Variants in FAM161B observed in about 807,000 individuals in gnomAD.
FAM161B encodes the protein protein FAM161B.
Under a neutral mutation model 61.5 loss-of-function variants are expected in FAM161B, and 46 were observed. The observed-to-expected ratio is 0.75, with a 90% CI of 0.59 to 0.96. The LOEUF is 0.96. FAM161B is among the 40% of genes least tolerant of loss of function. FAM161B has a pLI of 0.00. For synonymous variants in FAM161B, 284 were observed against 302.7 expected (o/e 0.94, Z 0.64); for missense variants, 774 against 800.7 (o/e 0.97, Z 0.40).
chr14:73,934,333 C>A lies in FAM161B; in HGVS notation c.1867G>T (p.Glu623Ter). 1 of 1,614,088 alleles carries A rather than the reference C, an allele frequency of 6.2e-7. No individual in the cohort carries two copies. Among genetic ancestry groups the A allele is most frequent in the South Asian group, 1.1e-5 (1 of 91,078 alleles). ...DPEQGLEGSL[E>*]QPASPRKVLE... ...ACTTTCCTGGGGCTTGCAGGCTGTTCTAGAGATCCTTCTAAACCCTGCTCT... is the reference window on the plus strand; with the variant it reads ...ACTTTCCTGGGGCTTGCAGGCTGTTATAGAGATCCTTCTAAACCCTGCTCT... The change falls in exon 9 of 9, where the codon GAA becomes TAA. Residue 623 changes from glutamate (E) to a stop codon, truncating the protein, a stop_gained. Transcript: ENST00000286544. LOFTEE classifies it low-confidence loss of function (END_TRUNC).
intron 5 of FAM161B, among the ~76,000 whole-genome samples, chr14:73,938,975 TTTACTGAAC>T (rs1445220243): frequency 6.6e-6 from 1 of 152,024 alleles, no homozygotes; most frequent in Admixed American, 6.5e-5. Context: ...TAGAAGTGCA[TTTACTGAAC>T]TGGAGAAACG....
the FAM161B span, among the ~76,000 whole-genome samples, chr14:73,925,433 CT>C: frequency 0.083 from 11,932 of 144,184 alleles, 875 homozygotes; most frequent in East Asian, 0.44. Context: ...CTAACTTTGA[CT>C]TTTTTTTTTT....
At chr14:73,938,445 CA>C (rs1376388777) in intron 5 of FAM161B, among the ~76,000 whole-genome samples, 2 of 140,292 alleles carry the variant, frequency 1.4e-5, no homozygotes, top group Non-Finnish European at 3.1e-5. Context: ...GGCGACAGAT[CA>C]AATTCCGTCT....
intron 5 of FAM161B, 145 bp downstream of exon 5, chr14:73,940,781 C>T (rs1038652665): frequency 2.3e-5 from 26 of 1,144,386 alleles, no homozygotes; most frequent in South Asian, 1.0e-4. Flanking sequence ...TGTGGAGAAC[C>T]GCAATTGTTC....
rs144921772 is a variant in FAM161B at position 73,941,985 on chromosome 14, C to T, written c.1272+384G>A. 7.2e-3 allele frequency among the ~76,000 whole-genome samples: 1,101 copies of T among 152,310 alleles called. 6 individuals carry two copies. The highest frequency in any genetic ancestry group is 0.025 in the African/African-American group (1,056 of 41,570). ...CCTCTCAAAGTGCTGGGATTAAAGG[C>T]GTGAGCCACCACGCCTGGCCTGTTT... is the stretch of plus-strand genomic sequence containing the variant. On this transcript the variant is annotated intron_variant, in intron 4 of 8. Transcript: ENST00000286544.
chr14:73,938,817 A>T (rs1054202937), intron 5 of FAM161B, among the ~76,000 whole-genome samples: 74 of 152,278 alleles, frequency 4.9e-4, no homozygotes, highest in Non-Finnish European at 1.5e-4. Flanking sequence ...AATCTTAGTA[A>T]CCTTTTCTGG....
At chr14:73,938,943 G>A (rs1214381131) in intron 5 of FAM161B, among the ~76,000 whole-genome samples, 1 of 152,098 alleles carries the variant, frequency 6.6e-6, no homozygotes, top group African/African-American at 2.4e-5. Context: ...TCCAGCACTA[G>A]GGACACAGTG....
At chr14:73,948,380 T>C (rs1411905229) in intron 1 of FAM161B, among the ~76,000 whole-genome samples, 1 of 152,252 alleles carries the variant, frequency 6.6e-6, no homozygotes, top group Non-Finnish European at 1.5e-5. Flanking sequence ...GTTGGCATTA[T>C]CTATGCCTAT....
downstream of FAM161B, among the ~76,000 whole-genome samples, chr14:73,930,147 C>T (rs2055890164): frequency 2.6e-5 from 4 of 152,190 alleles, no homozygotes; most frequent in Admixed American, 2.0e-4. Flanking sequence ...TATAATATTT[C>T]TCATAAAGTA....
chr14:73,944,871 C>T lies in FAM161B; in HGVS notation c.389G>A (p.Arg130Lys). ...AAGGTTGTTCAGGGAGCTGCAGCGC[C>T]TTGTGGAGCCACACCTGGGAAAAAA... The part of the protein sequence containing the change: ...CPQALRCGST[R>K]RCSSLNNLPS... Residue 130 changes from arginine (R) to lysine (K), a missense_variant, in exon 3 of 9, where the codon AGG (arginine) becomes AAG (lysine). Arg to Lys is a conservative substitution (Grantham distance 26, BLOSUM62 2). Transcript: ENST00000286544. 6.6e-7 allele frequency: 1 copy of T among 1,515,612 alleles called. No individual in the cohort carries two copies. The highest frequency in any genetic ancestry group is 8.8e-7 in the Non-Finnish European group (1 of 1,133,272). 93.9% of individuals were successfully genotyped at this position (1,515,612 alleles called of 1,614,324 possible). A position where few individuals can be genotyped will look rare whatever the true frequency, so the allele number is the denominator to read the frequency against.
Position 73,946,533 on chromosome 14 carries a change from T to G in FAM161B, c.127A>C (p.Arg43=). 1 of 1,614,204 alleles carries G rather than the reference T, an allele frequency of 6.2e-7. No homozygotes were observed. Among genetic ancestry groups the G allele is most frequent in the Non-Finnish European group, 8.5e-7 (1 of 1,180,034 alleles). ...ELSGDGLVLP[R]ASKLDEFLSP... is the part of the protein sequence containing the mutation. ...AGGAACTCGTCAAGTTTGCTGGCCC[T>G]GGGCAAAACCAGCCCATCCCCGGAC... Residue 43 remains arginine (R), a synonymous_variant, in exon 2 of 9, where the codon AGG becomes CGG. Transcript: ENST00000286544.
chr14:73,935,896 A>T, intron 8 of FAM161B, 53 bp downstream of exon 8: 1 of 1,553,556 alleles, frequency 6.4e-7, no homozygotes, highest in Non-Finnish European at 8.7e-7. Flanking sequence ...CAGTGGTATT[A>T]CTGGGTATGA....
downstream of FAM161B, chr14:73,932,030 C>T (rs1451535640): frequency 8.8e-6 from 4 of 456,398 alleles, no homozygotes; most frequent in Non-Finnish European, 1.3e-5. Context: ...TACATTCTCC[C>T]TTTAGCAACC....
chr14:73,942,351 AGCTGCCTG>A lies in FAM161B; in HGVS notation c.1272+10_1272+17del. On this transcript the variant is annotated intron_variant, in intron 4 of 8. Coordinates refer to ENST00000286544, the MANE Select transcript of FAM161B (RefSeq NM_152445.3). Reference sequence around the variant, plus strand: ...CAGGCCGCAGCCCTGACCCTCCCACAGCTGCCTGGGCTCTCACCTGCCTCCTTCCGGTG... The same window carrying A: ...CAGGCCGCAGCCCTGACCCTCCCACAGGCTCTCACCTGCCTCCTTCCGGTG... 6.2e-7 allele frequency: 1 copy of A among 1,610,072 alleles called. No individual in the cohort carries two copies. Among genetic ancestry groups the A allele is most frequent in the South Asian group, 1.1e-5 (1 of 90,760 alleles).
At chr14:73,948,087 C>A (rs910759598) in intron 1 of FAM161B, among the ~76,000 whole-genome samples, 1 of 152,034 alleles carries the variant, frequency 6.6e-6, no homozygotes, top group African/African-American at 2.4e-5. Context: ...TCACACCTGG[C>A]TAGTTTTTGT....
chr14:73,937,346 G>A (rs891597513), intron 7 of FAM161B, among the ~76,000 whole-genome samples: 1 of 152,164 alleles, frequency 6.6e-6, no homozygotes, highest in African/African-American at 2.4e-5. Flanking sequence ...GATGAAATCT[G>A]AATGGTAGAC....
Position 73,944,622 on chromosome 14 carries a change from T to C in FAM161B, c.638A>G (p.His213Arg), listed in dbSNP as rs1440820189. 1.9e-6 allele frequency: 3 copies of C among 1,613,984 alleles called. No individual in the cohort carries two copies. Among genetic ancestry groups the C allele is most frequent in the South Asian group, 2.2e-5 (2 of 91,080 alleles). Residue 213 changes from histidine to arginine, a missense_variant, in exon 3 of 9, where the codon CAC becomes CGC. Physicochemically the swap from His to Arg is conservative, Grantham distance 29. Coordinates refer to ENST00000286544, the MANE Select transcript of FAM161B (RefSeq NM_152445.3). ...CACAGGCTGTGCCCGGAACTGCCTGTGGCACTCGGCCTCTTCCTCACCCTG... is the reference window on the plus strand; with the variant it reads ...CACAGGCTGTGCCCGGAACTGCCTGCGGCACTCGGCCTCTTCCTCACCCTG... The part of the protein sequence containing the change: ...QRQGEEEAEC[H>R]RQFRAQPVPA...
rs1201510304 is a variant in FAM161B, at chr14:73,944,885, C to A, written c.375G>T (p.Arg125Ser). ...MVQVQCPQALRCGSTRRCSSL... is the reference protein window; with the variant it reads ...MVQVQCPQALSCGSTRRCSSL... The stretch of plus-strand genomic sequence containing the variant: ...AGCTGCAGCGCCTTGTGGAGCCACA[C>A]CTGGGAAAAAAGCAGATCTGTGAGT... The change falls in exon 3 of 9, where the codon AGG becomes AGT. Residue 125 changes from arginine (R) to serine (S), a missense_variant and splice_region_variant. Arg to Ser is a moderately radical substitution (Grantham distance 110). Transcript: ENST00000286544. 1 of 1,508,924 alleles carries A rather than the reference C, an allele frequency of 6.6e-7. No individual in the cohort carries two copies. Among genetic ancestry groups the A allele is most frequent in the Admixed American group, 2.2e-5 (1 of 44,490 alleles). The allele number at this position is 1,508,924 out of a possible 1,614,324, so 93.5% of individuals were successfully genotyped here. A position where few individuals can be genotyped will look rare whatever the true frequency, so the allele number is the denominator to read the frequency against.
At chr14:73,936,866 G>A (rs2055974326) in intron 7 of FAM161B, among the ~76,000 whole-genome samples, 1 of 152,186 alleles carries the variant, frequency 6.6e-6, no homozygotes, top group Non-Finnish European at 1.5e-5. Flanking sequence ...ACCCCAACTT[G>A]TCTGAAACTG....
Sources: allele counts gnomAD v4.1 joint callset (sites outside exome capture counted in the v4.1 genomes callset), GRCh38; gene constraint gnomAD v4.1.1; transcripts MANE v1.5; gene names NCBI Gene and HGNC (gene_info 2026-07-23, HGNC 2026-07-21).